VCPIP1: variants seen among roughly 807,000 people sequenced by gnomAD.
VCPIP1 encodes the protein deubiquitinating protein VCPIP1.
In VCPIP1, 8 loss-of-function variants were observed where a neutral mutation model predicts 85.0. The ratio of observed to expected loss-of-function variants is 0.09; its 90% confidence interval spans 0.06 to 0.17. The LOEUF is 0.17. Ranked by LOEUF, VCPIP1 falls within the 10% of genes least tolerant of loss-of-function variation. The pLI, the probability that VCPIP1 is intolerant of heterozygous loss-of-function variation, is 1.00. For missense variants in VCPIP1, 1,070 were observed against 1,486.3 expected, an observed-to-expected ratio of 0.72 and a Z score of 4.61; for synonymous variants, 543 against 544.5, an observed-to-expected ratio of 1.00 and a Z score of 0.04.
intron 2 of VCPIP1, among the ~76,000 whole-genome samples, chr8:66,649,988 G>A (rs902243379): frequency 6.6e-6 from 1 of 151,444 alleles, no homozygotes. Flanking sequence ...TAATTATCAA[G>A]AAAATTCAAA....
rs1293332544 is a variant in VCPIP1 at position 66,666,194 on chromosome 8, A to G, written c.765T>C (p.Ala255=). Residue 255 remains alanine (A), a synonymous_variant, in exon 1 of 3, where the codon GCT becomes GCC. Transcript: ENST00000310421. The surrounding 1 kb of genome is among the most constrained non-coding windows in gnomAD (Gnocchi z 6.3). The stretch of plus-strand genomic sequence containing the variant: ...CAGCATCAATGAAGTCATGGAACAG[A>G]GCTTGATATCGGGCCAGGTGCTGCT... ...HFQQHLARYQ[A]LFHDFIDAAE... is the part of the protein sequence containing the mutation. 6.2e-7 allele frequency: 1 copy of G among 1,614,056 alleles called. No homozygotes were observed. The highest frequency in any genetic ancestry group is 1.1e-5 in the South Asian group (1 of 91,082).
intron 2 of VCPIP1, among the ~76,000 whole-genome samples, chr8:66,647,152 C>T (rs1259847264): frequency 1.3e-5 from 2 of 152,096 alleles, no homozygotes; most frequent in Non-Finnish European, 2.9e-5. Flanking sequence ...ACCAGCCTAG[C>T]CAAGATGGTG....
At position 66,666,778 on chromosome 8, in the gene VCPIP1, G is replaced by A. The variant is rs1811217791; in HGVS notation, c.181C>T (p.Pro61Ser). 6.2e-7 allele frequency: 1 copy of A among 1,613,586 alleles called. No homozygotes were observed. The highest frequency in any genetic ancestry group is 1.7e-5 in the Admixed American group (1 of 59,980). ...TCGATGCTGACAGAACCGGAGGCCG[G>A]GAAAAATAGACGCGCCTGACACTTC... The part of the protein sequence containing the change: ...DPKCQARLFF[P>S]ASGSVSIECT... Residue 61 changes from proline (P) to serine (S), a missense_variant, in exon 1 of 3, where the codon CCG (proline) becomes TCG (serine). Transcript: ENST00000310421. The surrounding 1 kb of genome is among the most constrained non-coding windows in gnomAD (Gnocchi z 6.3).
chr8:66,645,124 A>G (rs965817605), intron 2 of VCPIP1, among the ~76,000 whole-genome samples: 11 of 151,426 alleles, frequency 7.3e-5, no homozygotes, highest in Non-Finnish European at 1.2e-4. Flanking sequence ...TCCAAGAAAA[A>G]AAAAAAAAAA....
chr8:66,641,978 T>C (rs1036747943), intron 2 of VCPIP1, among the ~76,000 whole-genome samples: 2 of 152,214 alleles, frequency 1.3e-5, no homozygotes, highest in South Asian at 2.1e-4. Flanking sequence ...CTGGATCATA[T>C]AGTAACTCTA....
At chr8:66,649,446 C>T (rs1811031796) in intron 2 of VCPIP1, among the ~76,000 whole-genome samples, 1 of 152,072 alleles carries the variant, frequency 6.6e-6, no homozygotes, top group African/African-American at 2.4e-5. Flanking sequence ...CAGGTCAAGG[C>T]TGCAGTGAGC....
Position 66,664,359 on chromosome 8 carries a change from T to G in VCPIP1, c.2600A>C (p.His867Pro), listed in dbSNP as rs1367155666. The G allele has an allele frequency of 6.2e-7, 1 of 1,613,778 alleles. No homozygotes were observed. The highest frequency in any genetic ancestry group is 8.5e-7 in the Non-Finnish European group (1 of 1,179,760). The part of the protein sequence containing the change: ...GGQSAAAHSA[H>P]TVKQEDIAVT... ...AGCAATATCTTCTTGTTTCACAGTG[T>G]GGGCTGAGTGTGCTGCAGCAGACTG... The change falls in exon 1 of 3, where the codon CAC becomes CCC. Residue 867 changes from histidine to proline, a missense_variant. By Grantham distance (77) the His-to-Pro change is moderately conservative. This residue lies in a region of VCPIP1 where 278 missense variants were observed against 298.5 expected (regional missense o/e 0.93). Transcript: ENST00000310421.
intron 2 of VCPIP1, among the ~76,000 whole-genome samples, chr8:66,645,389 G>A (rs1005958478): frequency 5.9e-5 from 9 of 151,994 alleles, no homozygotes; most frequent in African/African-American, 2.2e-4. Flanking sequence ...CTGCACTGGC[G>A]CAATGGGCAA....
intron 2 of VCPIP1, among the ~76,000 whole-genome samples, chr8:66,635,635 C>T (rs1810876978): frequency 6.6e-6 from 1 of 152,106 alleles, no homozygotes; most frequent in South Asian, 2.1e-4. Flanking sequence ...GGCTTGAGGT[C>T]ACACAGTGGC....
At chr8:66,639,488 A>G (rs903231544) in intron 2 of VCPIP1, among the ~76,000 whole-genome samples, 4 of 151,124 alleles carry the variant, frequency 2.6e-5, no homozygotes, top group African/African-American at 9.7e-5. Context: ...CTGGGTAGCT[A>G]GGATTACAGG....
Position 66,632,391 on chromosome 8 carries a change from T to C in VCPIP1, c.*2110A>G, listed in dbSNP as rs1810843096. On this transcript the variant is annotated 3_prime_UTR_variant, in exon 3 of 3. Transcript: ENST00000310421. ...TCATTTATCAAGGGAGAACCCAAACTATTACTGTACTATTCATACCTAACT... is the reference window on the plus strand; with the variant it reads ...TCATTTATCAAGGGAGAACCCAAACCATTACTGTACTATTCATACCTAACT... The C allele has an allele frequency of 6.6e-6, 1 of 152,114 alleles. No individual in the cohort carries two copies. The highest frequency in any genetic ancestry group is 2.4e-5 in the African/African-American group (1 of 41,458). 9.4% of individuals were successfully genotyped at this position (152,114 alleles called of 1,614,324 possible).
Position 66,667,159 on chromosome 8 carries a change from G to GC in VCPIP1, c.-202dup. The GC allele has an allele frequency of 8.2e-7, 1 of 1,217,716 alleles. No individual in the cohort carries two copies. Among genetic ancestry groups the GC allele is most frequent in the South Asian group, 2.0e-5 (1 of 50,144 alleles). 75.4% of individuals were successfully genotyped at this position (1,217,716 alleles called of 1,614,324 possible). On this transcript the variant is annotated 5_prime_UTR_variant, in exon 1 of 3. Coordinates refer to ENST00000310421, the MANE Select transcript of VCPIP1 (RefSeq NM_025054.5). ...TTACTTCTCCACTGCCGTAGCCGTT[G>GC]CCCCGAACGTAACGGCCACCACCCC...
intron 1 of VCPIP1, among the ~76,000 whole-genome samples, chr8:66,657,429 T>C (rs1378856063): frequency 6.6e-6 from 1 of 152,192 alleles, no homozygotes; most frequent in Non-Finnish European, 1.5e-5. Context: ...GCTGAAAGAA[T>C]TGTTGGCATC....
At chr8:66,660,932 A>G (rs982601036) in intron 1 of VCPIP1, among the ~76,000 whole-genome samples, 6 of 152,092 alleles carry the variant, frequency 3.9e-5, no homozygotes, top group African/African-American at 1.4e-4. Context: ...AATCCCAGCT[A>G]CTTGGGAGGC....
intron 2 of VCPIP1, among the ~76,000 whole-genome samples, chr8:66,640,475 A>G (rs1440896066): frequency 1.3e-5 from 2 of 152,216 alleles, no homozygotes; most frequent in Admixed American, 6.5e-5. Flanking sequence ...ACTAGGCAGA[A>G]AAGGGCAAGG....
At chr8:66,641,439 T>G (rs1227453146) in intron 2 of VCPIP1, among the ~76,000 whole-genome samples, 2 of 152,126 alleles carry the variant, frequency 1.3e-5, no homozygotes, top group Non-Finnish European at 2.9e-5. Flanking sequence ...AGTGCAATCA[T>G]AGCTCACTGC....
At position 66,666,683 on chromosome 8, in the gene VCPIP1, G is replaced by A; in HGVS notation, c.276C>T (p.Asp92=). Residue 92 remains aspartate (D), a synonymous_variant, in exon 1 of 3, where the codon GAC becomes GAT. Transcript: ENST00000310421. This position sits in a 1 kb window ranked among gnomAD's most constrained non-coding sequence, Gnocchi z 6.3. ...LLGVEEVTDP[D]VVLHNLLRNA... is the part of the protein sequence containing the mutation. Reference sequence around the variant, plus strand: ...TCCGCAGCAGGTTGTGTAGCACTACGTCCGGGTCGGTCACCTCCTCAACCC... The same window carrying A: ...TCCGCAGCAGGTTGTGTAGCACTACATCCGGGTCGGTCACCTCCTCAACCC... The A allele has an allele frequency of 6.2e-7, 1 of 1,614,158 alleles. No homozygotes were observed. The highest frequency in any genetic ancestry group is 1.1e-5 in the South Asian group (1 of 91,078).
At chr8:66,659,950 C>T (rs1397133380) in intron 1 of VCPIP1, among the ~76,000 whole-genome samples, 4 of 152,008 alleles carry the variant, frequency 2.6e-5, no homozygotes, top group Admixed American at 2.6e-4. Flanking sequence ...ATACAATCCC[C>T]ATGTATATAT....
intron 1 of VCPIP1, among the ~76,000 whole-genome samples, chr8:66,661,676 C>T (rs900436172): frequency 6.6e-6 from 1 of 150,524 alleles, no homozygotes; most frequent in African/African-American, 2.4e-5. Context: ...GCAGAGGTTG[C>T]AATGAGCTGA....
Sources: gnomAD v4.1 joint callset for allele counts (sites outside exome capture counted in the v4.1 genomes callset) on GRCh38, gnomAD v4.1.1 for gene constraint, gnomAD v4.1.1 regional missense constraint, Gnocchi (gnomAD v3.1) non-coding constraint, MANE v1.5 for transcripts, NCBI Gene and HGNC (gene_info 2026-07-23, HGNC 2026-07-21) for gene names.